Variants in SAMMSON observed in about 807,000 individuals in gnomAD.
SAMMSON encodes the protein survival associated mitochondrial melanoma specific oncogenic non-coding RNA.
intron 4 of SAMMSON, among the ~76,000 whole-genome samples, chr3:70,149,117 AG>A (rs1295656307): frequency 6.6e-6 from 1 of 152,114 alleles, no homozygotes; most frequent in African/African-American, 2.4e-5. Flanking sequence ...ATTGTTTCTC[AG>A]CAGAAGGTCA....
chr3:70,222,481 T>A (rs1206810716), intron 4 of SAMMSON, among the ~76,000 whole-genome samples: 2 of 152,230 alleles, frequency 1.3e-5, no homozygotes, highest in Non-Finnish European at 2.9e-5. Context: ...GCACTTTGGA[T>A]AGGTTGGTTT....
chr3:70,093,476 T>A (rs1250238048), intron 4 of SAMMSON, among the ~76,000 whole-genome samples: 1 of 152,214 alleles, frequency 6.6e-6, no homozygotes, highest in Non-Finnish European at 1.5e-5. Flanking sequence ...TGGTTGTTTG[T>A]AGATGACTAA....
chr3:70,287,541 C>T (rs1439183192), intron 6 of SAMMSON, among the ~76,000 whole-genome samples: 6 of 151,716 alleles, frequency 4.0e-5, no homozygotes, highest in African/African-American at 9.7e-5. Context: ...TGTCTCTGCC[C>T]GGCTTTGGTA....
intron 3 of SAMMSON, among the ~76,000 whole-genome samples, chr3:70,018,500 T>C (rs1364745436): frequency 2.6e-5 from 4 of 152,304 alleles, no homozygotes; most frequent in Admixed American, 2.0e-4. Context: ...GCTAGCAGTC[T>C]ATCAATTTTG....
intron 4 of SAMMSON, among the ~76,000 whole-genome samples, chr3:70,209,958 TAAC>T (rs1441002928): frequency 6.6e-6 from 1 of 152,128 alleles, no homozygotes; most frequent in Non-Finnish European, 1.5e-5. Context: ...AGCTGATAGA[TAAC>T]GAGACCTTGA....
intron 4 of SAMMSON, among the ~76,000 whole-genome samples, chr3:70,204,294 C>T (rs184899561): frequency 1.3e-5 from 2 of 152,036 alleles, no homozygotes; most frequent in South Asian, 2.1e-4. Flanking sequence ...TATCTCAGTA[C>T]GAACAATGAC....
chr3:70,213,993 A>T (rs1383039251), intron 4 of SAMMSON, among the ~76,000 whole-genome samples: 2 of 152,144 alleles, frequency 1.3e-5, no homozygotes, highest in African/African-American at 4.8e-5. Flanking sequence ...TCAAGAAAAA[A>T]TATATTTTCT....
At chr3:70,117,105 T>C (rs951537208) in intron 4 of SAMMSON, among the ~76,000 whole-genome samples, 2 of 152,184 alleles carry the variant, frequency 1.3e-5, no homozygotes, top group African/African-American at 4.8e-5. Flanking sequence ...TAAGATAAAA[T>C]GATGGTGTAC....
chr3:70,081,301 G>A (rs542685759), intron 4 of SAMMSON, among the ~76,000 whole-genome samples: 3 of 152,234 alleles, frequency 2.0e-5, no homozygotes, highest in Middle Eastern at 3.4e-3. Flanking sequence ...TTTTAGTAGA[G>A]ACAGGGTTTC....
chr3:70,307,953 C>G (rs1212941189), intron 7 of SAMMSON, among the ~76,000 whole-genome samples: 1 of 152,224 alleles, frequency 6.6e-6, no homozygotes, highest in African/African-American at 2.4e-5. Context: ...TCACCTCCTT[C>G]TCTCCACCTG....
At chr3:70,320,459 A>C (rs370688462) in intron 7 of SAMMSON, among the ~76,000 whole-genome samples, 1 of 152,102 alleles carries the variant, frequency 6.6e-6, no homozygotes, top group Non-Finnish European at 1.5e-5. Context: ...GTCAAATGCT[A>C]AATTAAAATC....
At chr3:70,256,303 G>A (rs1423910620) in intron 6 of SAMMSON, among the ~76,000 whole-genome samples, 2 of 152,164 alleles carry the variant, frequency 1.3e-5, no homozygotes, top group African/African-American at 4.8e-5. Flanking sequence ...AGAGAGAAAT[G>A]TACTCGTTAT....
chr3:70,150,474 G>A (rs2067567051), intron 4 of SAMMSON, among the ~76,000 whole-genome samples: 1 of 151,960 alleles, frequency 6.6e-6, no homozygotes. Flanking sequence ...GAAATCTTTA[G>A]AGATATGATG....
At chr3:70,305,925 G>C (rs1422685156) in intron 7 of SAMMSON, among the ~76,000 whole-genome samples, 4 of 151,906 alleles carry the variant, frequency 2.6e-5, no homozygotes, top group Admixed American at 6.6e-5. Flanking sequence ...GGATTTTTTT[G>C]GACCTCTAGG....
chr3:70,300,125 G>A (rs895986587), intron 7 of SAMMSON, among the ~76,000 whole-genome samples: 17 of 151,894 alleles, frequency 1.1e-4, no homozygotes, highest in African/African-American at 2.4e-4. Flanking sequence ...CCTCTGAATC[G>A]CATATCTTCT....
rs1167045928 is a variant in SAMMSON at position 70,397,309 on chromosome 3, CTTTTTGTT to C, written n.233+38992_233+38999del. ...TCTTCATAGGTTCCTCAATCTTCTTCTTTTTGTTTTTTTGGGACGGGGTCTCACTTCAT... is the reference window on the plus strand; with the variant it reads ...TCTTCATAGGTTCCTCAATCTTCTTCTTTTTGGGACGGGGTCTCACTTCAT... On this transcript the variant is annotated intron_variant and non_coding_transcript_variant, in intron 2 of 3. Transcript: ENST00000641053. Among the ~76,000 whole-genome samples, 11 of 151,954 alleles carry C rather than the reference CTTTTTGTT, an allele frequency of 7.2e-5. No individual in the cohort carries two copies. In the East Asian group the frequency reaches 9.7e-4, roughly 13 times the overall value.
chr3:70,007,778 A>G (rs1418839757), intron 1 of SAMMSON, among the ~76,000 whole-genome samples: 1 of 152,124 alleles, frequency 6.6e-6, no homozygotes, highest in Non-Finnish European at 1.5e-5. Flanking sequence ...TTATGGCTTT[A>G]GGTCTAACAT....
chr3:70,175,344 A>G (rs190735066), intron 4 of SAMMSON, among the ~76,000 whole-genome samples: 21 of 152,194 alleles, frequency 1.4e-4, no homozygotes, highest in Admixed American at 3.9e-4. Context: ...CAGTTTAGGC[A>G]TCTTTCAGAC....
Position 70,107,115 on chromosome 3 carries a change from G to A in SAMMSON, n.507+35550G>A, listed in dbSNP as rs1208463295. ...TATGCCATCAAGAAATTTAAACTAC[G>A]TAGAGGGGGACCGGGTAAAATGGAG... On this transcript the variant is annotated intron_variant and non_coding_transcript_variant, in intron 4 of 9. Transcript: ENST00000642114. 8.5e-5 allele frequency among the ~76,000 whole-genome samples: 13 copies of A among 152,288 alleles called. 1 individual carries two copies. The highest frequency in any genetic ancestry group is 2.6e-4 in the Admixed American group (4 of 15,300).
Sources: gnomAD v4.1 joint callset for allele counts (sites outside exome capture counted in the v4.1 genomes callset) on GRCh38, gnomAD v4.1.1 for gene constraint, MANE v1.5 for transcripts, NCBI Gene and HGNC (gene_info 2026-07-23, HGNC 2026-07-21) for gene names.